The following OTOGL variants were observed in gnomAD, a reference collection of about 807,000 sequenced individuals.
The protein encoded by OTOGL is otogelin-like protein.
In OTOGL, 285 loss-of-function variants were observed where a neutral mutation model predicts 318.5. That is an observed-to-expected ratio of 0.89 (90% CI 0.81 to 0.99). The LOEUF is 0.99. Among genes scored for constraint, OTOGL ranks in the 50% least tolerant of loss-of-function variants. The probability of loss-of-function intolerance (pLI) is 0.00; values close to 1 mark genes in which losing one functional copy is unlikely to be tolerated. For missense variants in OTOGL, 2,899 were observed against 2,845.6 expected (o/e 1.02, Z -0.43); for synonymous variants, 987 against 936.5 (o/e 1.05, Z -0.99).
chr12:80,282,683 A>G (rs943276412), intron 26 of OTOGL, among the ~76,000 whole-genome samples: 3 of 151,974 alleles, frequency 2.0e-5, no homozygotes, highest in Non-Finnish European at 4.4e-5. Context: ...GGTTTAGAGT[A>G]TAAATTTAGA....
intron 52 of OTOGL, among the ~76,000 whole-genome samples, chr12:80,365,001 A>C (rs968336309): frequency 1.3e-5 from 2 of 152,124 alleles, no homozygotes; most frequent in African/African-American, 4.8e-5. Context: ...AAGACAAAAA[A>C]TAACACATTT....
chr12:80,157,089 C>T (rs1014015190), intron 1 of OTOGL, among the ~76,000 whole-genome samples: 2 of 152,112 alleles, frequency 1.3e-5, no homozygotes, highest in Admixed American at 6.5e-5. Flanking sequence ...TCTCCACATC[C>T]TCGCCAGCAT....
At chr12:80,132,500 T>C (rs1050428093) in intron 1 of OTOGL, 2 of 152,158 alleles carry the variant, frequency 1.3e-5, no homozygotes, top group African/African-American at 4.8e-5. Flanking sequence ...TGAAACTTAA[T>C]CCATGCAGCT....
rs1389107278 is a variant in OTOGL at position 80,261,969 on chromosome 12, T to A, written c.1890T>A (p.Leu630=). ...GATGAGCATTGTCTTTGCTTTCTAG[T>A]TCTCCATCAGGCATGATAGAAGGTA... ...TFNGNIRDDF[L]SPSGMIEGTP... is the part of the protein sequence containing the mutation. Residue 630 remains leucine (L), a splice_region_variant and synonymous_variant, in exon 19 of 59, where the codon CTT becomes CTA. Transcript: ENST00000547103. The A allele has an allele frequency of 6.2e-7, 1 of 1,610,162 alleles. No homozygotes were observed. The highest frequency in any genetic ancestry group is 8.5e-7 in the Non-Finnish European group (1 of 1,177,866).
intron 1 of OTOGL, among the ~76,000 whole-genome samples, chr12:80,154,167 G>T (rs1872966165): frequency 6.6e-6 from 1 of 152,258 alleles, no homozygotes; most frequent in South Asian, 2.1e-4. Context: ...AAATTAGCCA[G>T]GCATGGTGGC....
chr12:80,105,969 A>G (rs1034606674), intron 1 of OTOGL, among the ~76,000 whole-genome samples: 1 of 152,166 alleles, frequency 6.6e-6, no homozygotes, highest in Non-Finnish European at 1.5e-5. Context: ...TGAGCAAACT[A>G]TTTTTTGGAT....
Position 80,358,706 on chromosome 12 carries a change from A to C in OTOGL, c.6157A>C (p.Asn2053His). 1 of 1,613,262 alleles carries C rather than the reference A, an allele frequency of 6.2e-7. No individual in the cohort carries two copies. Among genetic ancestry groups the C allele is most frequent in the Non-Finnish European group, 8.5e-7 (1 of 1,179,440 alleles). ...EPNLCPMPLL[N>H]CAEDMNLVKE... The stretch of plus-strand genomic sequence containing the variant: ...AAACCTTTGTCCTATGCCATTACTC[A>C]ACTGTGCAGAAGATATGAATCTTGT... Residue 2053 changes from asparagine to histidine, a missense_variant, in exon 51 of 59, where the codon AAC becomes CAC. Asn to His is a moderately conservative substitution (Grantham distance 68, BLOSUM62 1). This residue lies in a region of OTOGL where 2,607 missense variants were observed against 2,524.9 expected (regional missense o/e 1.03). Coordinates refer to ENST00000547103, the MANE Select transcript of OTOGL (RefSeq NM_001378609.3).
intron 1 of OTOGL, among the ~76,000 whole-genome samples, chr12:80,193,857 T>C (rs112332516): frequency 6.6e-5 from 10 of 152,310 alleles, no homozygotes; most frequent in African/African-American, 2.4e-4. Context: ...AAATTGGATT[T>C]GTGAATGTGA....
intron 24 of OTOGL, 133 bp downstream of exon 24, chr12:80,271,943 C>T (rs1270930362): frequency 3.0e-6 from 3 of 1,013,640 alleles, no homozygotes; most frequent in Non-Finnish European, 4.2e-6. Flanking sequence ...AGCTAGAAGA[C>T]TATTGTGATT....
intron 4 of OTOGL, among the ~76,000 whole-genome samples, chr12:80,215,899 G>C (rs1349433668): frequency 2.0e-5 from 3 of 152,180 alleles, no homozygotes; most frequent in Non-Finnish European, 2.9e-5. Context: ...AGAACAAAAA[G>C]GGGAGATTGA....
chr12:80,320,605 A>G lies in OTOGL; in HGVS notation c.3986A>G (p.Lys1329Arg). 6.2e-7 allele frequency: 1 copy of G among 1,612,570 alleles called. No individual in the cohort carries two copies. The highest frequency in any genetic ancestry group is 1.3e-5 in the African/African-American group (1 of 75,034). Reference sequence around the variant, plus strand: ...AGTGCATTTGAGTTATACAGCAAGAAAGGCTTTTTCATCATATTCACAGAT... The same window carrying G: ...AGTGCATTTGAGTTATACAGCAAGAGAGGCTTTTTCATCATATTCACAGAT... ...GYSAFELYSK[K>R]GFFIIFTDSS... The change falls in exon 34 of 59, where the codon AAA becomes AGA. Residue 1329 changes from lysine to arginine, a missense_variant. Transcript: ENST00000547103.
intron 4 of OTOGL, among the ~76,000 whole-genome samples, chr12:80,216,254 G>A (rs1340046007): frequency 6.6e-6 from 1 of 152,210 alleles, no homozygotes; most frequent in Non-Finnish European, 1.5e-5. Flanking sequence ...AGAATCTGCT[G>A]AGAAACAACT....
intron 1 of OTOGL, among the ~76,000 whole-genome samples, chr12:80,162,128 T>C (rs976814189): frequency 2.0e-5 from 3 of 152,190 alleles, no homozygotes; most frequent in Non-Finnish European, 4.4e-5. Flanking sequence ...TGATTCCTTG[T>C]GAGTTTGGAA....
At chr12:80,307,444 C>T (rs983705484) in intron 29 of OTOGL, among the ~76,000 whole-genome samples, 12 of 148,522 alleles carry the variant, frequency 8.1e-5, no homozygotes, top group African/African-American at 3.0e-4. Context: ...GGGCTGACCC[C>T]CCCCACCTCC....
chr12:80,334,778 T>C (rs923267422), intron 38 of OTOGL, among the ~76,000 whole-genome samples: 18 of 152,136 alleles, frequency 1.2e-4, no homozygotes, highest in African/African-American at 4.3e-4. Context: ...GCTGGTGACC[T>C]TGTTAAAAAG....
chr12:80,146,743 A>G (rs1424162010), intron 1 of OTOGL, among the ~76,000 whole-genome samples: 2 of 151,508 alleles, frequency 1.3e-5, no homozygotes, highest in South Asian at 4.1e-4. Context: ...AGCTCCTGTT[A>G]TTGGTCTATT....
intron 26 of OTOGL, among the ~76,000 whole-genome samples, chr12:80,281,691 TC>T (rs1441813752): frequency 9.2e-5 from 14 of 151,496 alleles, no homozygotes; most frequent in Admixed American, 5.3e-4. Flanking sequence ...TTTTGGTATT[TC>T]TTTAATTCAT....
rs1045314987 is a variant in OTOGL, at chr12:80,265,458, C to T, written c.2224+248C>T. 99 of 487,334 alleles carry T rather than the reference C, an allele frequency of 2.0e-4. No homozygotes were observed. The South Asian group carries it at 2.1e-3, about 11-fold the overall frequency. 30.2% of individuals were successfully genotyped at this position (487,334 alleles called of 1,614,324 possible). A position where few individuals can be genotyped will look rare whatever the true frequency, so the allele number is the denominator to read the frequency against. On this transcript the variant is annotated intron_variant, in intron 20 of 58. Coordinates refer to ENST00000547103, the MANE Select transcript of OTOGL (RefSeq NM_001378609.3). ...ATTATTGTAACTATGTTTTGAAATA[C>T]GCAACAGAAATAATTTAAAACATTT...
chr12:80,332,686 C>T (rs546953389), intron 37 of OTOGL, among the ~76,000 whole-genome samples: 1 of 152,094 alleles, frequency 6.6e-6, no homozygotes, highest in African/African-American at 2.4e-5. Context: ...TTTTTTTTAC[C>T]TGTTCACGCA....
Sources: allele counts gnomAD v4.1 joint callset (sites outside exome capture counted in the v4.1 genomes callset), GRCh38; gene constraint gnomAD v4.1.1; regional missense constraint gnomAD v4.1.1; transcripts MANE v1.5; gene names NCBI Gene and HGNC (gene_info 2026-07-23, HGNC 2026-07-21).